Variants in LRRTM4 observed in about 807,000 individuals in gnomAD.
LRRTM4 encodes leucine-rich repeat transmembrane neuronal protein 4.
LRRTM4 carries 25 observed loss-of-function variants against 47.6 expected under a neutral mutation model. The observed-to-expected ratio is 0.53, with a 90% CI of 0.38 to 0.73. The LOEUF is 0.73. Ranked by LOEUF, LRRTM4 falls within the 30% of genes least tolerant of loss-of-function variation. The pLI is 0.00. For missense variants in LRRTM4, 638 were observed against 713.4 expected, an observed-to-expected ratio of 0.89 and a Z score of 1.20; for synonymous variants, 311 against 269.5, an observed-to-expected ratio of 1.15 and a Z score of -1.51.
At chr2:77,499,202 A>G (rs975671855) in intron 3 of LRRTM4, among the ~76,000 whole-genome samples, 18 of 151,914 alleles carry the variant, frequency 1.2e-4, no homozygotes, top group Non-Finnish European at 1.6e-4. Context: ...GAGGCAAGGC[A>G]TGTTTACCAC....
At chr2:76,840,710 G>C (rs1220060578) in intron 3 of LRRTM4, among the ~76,000 whole-genome samples, 1 of 152,174 alleles carries the variant, frequency 6.6e-6, no homozygotes, top group Non-Finnish European at 1.5e-5. Context: ...AAGAGAGAGA[G>C]AAAGAGAATG....
In LRRTM4 at chr2:77,036,082, A is replaced by G. The variant is rs1203354631; in HGVS notation, c.1552-287166T>C. On this transcript the variant is annotated intron_variant, in intron 3 of 3. Transcript: ENST00000409884. Reference sequence around the variant, plus strand: ...AAAAGCTAAAGAATACAAATTGATAACTTATGCATATGCATGAGTAGTAAT... The same window carrying G: ...AAAAGCTAAAGAATACAAATTGATAGCTTATGCATATGCATGAGTAGTAAT... 2.6e-5 allele frequency among the ~76,000 whole-genome samples: 4 copies of G among 151,834 alleles called. No individual in the cohort carries two copies. The East Asian group carries it at 5.8e-4, about 22-fold the overall frequency.
At chr2:77,153,432 T>C (rs1231409231) in intron 3 of LRRTM4, among the ~76,000 whole-genome samples, 1 of 152,140 alleles carries the variant, frequency 6.6e-6, no homozygotes. Context: ...TAAGAAATAC[T>C]AACACATGCA....
chr2:77,030,770 A>G (rs1187657316), intron 3 of LRRTM4, among the ~76,000 whole-genome samples: 1 of 152,224 alleles, frequency 6.6e-6, no homozygotes, highest in Non-Finnish European at 1.5e-5. Context: ...ATTGCTTGCT[A>G]AAGACTATTG....
chr2:77,424,789 CAT>C (rs1455192114), intron 3 of LRRTM4, among the ~76,000 whole-genome samples: 2 of 152,182 alleles, frequency 1.3e-5, no homozygotes, highest in Non-Finnish European at 2.9e-5. Context: ...GCCTTAATCA[CAT>C]ATACACTCCT....
At chr2:77,455,694 C>T (rs77272051) in intron 3 of LRRTM4, among the ~76,000 whole-genome samples, 2 of 152,110 alleles carry the variant, frequency 1.3e-5, no homozygotes, top group East Asian at 1.9e-4. Context: ...ATTCTGTCCT[C>T]ATCCTTCATC....
chr2:76,789,787 A>C (rs1337609674), intron 3 of LRRTM4, among the ~76,000 whole-genome samples: 4 of 152,160 alleles, frequency 2.6e-5, no homozygotes, highest in African/African-American at 7.2e-5. Context: ...ACAGAGAACA[A>C]AGGCATGGTG....
intron 3 of LRRTM4, among the ~76,000 whole-genome samples, chr2:77,066,510 C>T (rs940732868): frequency 2.0e-5 from 3 of 152,142 alleles, no homozygotes; most frequent in Admixed American, 1.3e-4. Context: ...CACACAAAAA[C>T]CCGTATATTA....
intron 3 of LRRTM4, among the ~76,000 whole-genome samples, chr2:77,409,383 T>A (rs1018093511): frequency 3.3e-5 from 5 of 152,162 alleles, no homozygotes; most frequent in African/African-American, 1.2e-4. Flanking sequence ...TGTCCTCACA[T>A]GGCAGAAATC....
In LRRTM4 at chr2:77,516,537, C is replaced by T. The variant is rs1041470124; in HGVS notation, c.1551+1781G>A. On this transcript the variant is annotated intron_variant, in intron 3 of 3. Coordinates refer to ENST00000409884, the MANE Select transcript of LRRTM4 (RefSeq NM_001134745.3). ...TAGAATTTTCTTTTCTTTTTATATA[C>T]CAGCCTTTAAGAGGATCACAAAATA... The T allele has an allele frequency of 1.5e-5, 13 of 849,792 alleles. No individual in the cohort carries two copies. The Admixed American group carries it at 1.9e-4, about 12-fold the overall frequency. The allele number at this position is 849,792 out of a possible 1,614,324, so 52.6% of individuals were successfully genotyped here. A position where few individuals can be genotyped will look rare whatever the true frequency, so the allele number is the denominator to read the frequency against.
intron 3 of LRRTM4, among the ~76,000 whole-genome samples, chr2:77,085,194 CATTT>C (rs1680669229): frequency 6.6e-6 from 1 of 151,882 alleles, no homozygotes; most frequent in African/African-American, 2.4e-5. Context: ...GTCTTTAATA[CATTT>C]TATTTTATTT....
At chr2:77,159,456 G>A (rs1421989922) in intron 3 of LRRTM4, among the ~76,000 whole-genome samples, 1 of 150,586 alleles carries the variant, frequency 6.6e-6, no homozygotes, top group East Asian at 2.0e-4. Context: ...CACCAACATG[G>A]CACACATATA....
chr2:77,341,491 C>T (rs1370433849), intron 3 of LRRTM4, among the ~76,000 whole-genome samples: 1 of 152,000 alleles, frequency 6.6e-6, no homozygotes, highest in Admixed American at 6.6e-5. Flanking sequence ...ATTGAAGAGT[C>T]CATATTTCCT....
At chr2:77,052,541 A>G (rs76569119) in intron 3 of LRRTM4, among the ~76,000 whole-genome samples, 3,512 of 152,150 alleles carry the variant, frequency 0.023, 151 homozygotes, top group African/African-American at 0.08. Context: ...TACTCATCTA[A>G]TAAGTTAAAG....
At chr2:77,286,345 A>G (rs1676657109) in intron 3 of LRRTM4, among the ~76,000 whole-genome samples, 1 of 152,048 alleles carries the variant, frequency 6.6e-6, no homozygotes, top group African/African-American at 2.4e-5. Flanking sequence ...AATAAATTAT[A>G]CCAAATCATT....
At chr2:77,302,229 C>G (rs1677149297) in intron 3 of LRRTM4, among the ~76,000 whole-genome samples, 1 of 152,136 alleles carries the variant, frequency 6.6e-6, no homozygotes, top group Non-Finnish European at 1.5e-5. Flanking sequence ...GCATCTAATA[C>G]AGAAATAATT....
At chr2:76,852,043 C>G (rs544787551) in intron 3 of LRRTM4, among the ~76,000 whole-genome samples, 2 of 151,946 alleles carry the variant, frequency 1.3e-5, no homozygotes, top group Admixed American at 1.3e-4. Flanking sequence ...TTTTTCTAAT[C>G]CTGTTCAGAT....
chr2:76,980,526 G>A (rs1483934057), intron 3 of LRRTM4, among the ~76,000 whole-genome samples: 1 of 152,050 alleles, frequency 6.6e-6, no homozygotes, highest in Admixed American at 6.6e-5. Context: ...GAAAAGAGAA[G>A]ACAGATCACT....
At chr2:76,930,296 A>C (rs1323818427) in intron 3 of LRRTM4, among the ~76,000 whole-genome samples, 1 of 152,130 alleles carries the variant, frequency 6.6e-6, no homozygotes, top group African/African-American at 2.4e-5. Context: ...ACTGAGCATT[A>C]GCTAAGTCTC....
Sources: allele counts gnomAD v4.1 joint callset (sites outside exome capture counted in the v4.1 genomes callset), GRCh38; gene constraint gnomAD v4.1.1; transcripts MANE v1.5; gene names NCBI Gene and HGNC (gene_info 2026-07-23, HGNC 2026-07-21).